Variants in ARID4A observed in about 807,000 individuals in gnomAD.
The protein encoded by ARID4A is AT-rich interactive domain-containing protein 4A.
In ARID4A, 39 loss-of-function variants were observed where a neutral mutation model predicts 148.6. The observed-to-expected ratio is 0.26, with a 90% CI of 0.20 to 0.34. The LOEUF is 0.34. ARID4A is among the 10% of genes least tolerant of loss of function. The pLI is 1.00. For synonymous variants in ARID4A, 475 were observed against 481.2 expected (o/e 0.99, Z 0.17); for missense variants, 1,265 against 1,449.1 (o/e 0.87, Z 2.06).
intron 17 of ARID4A, among the ~76,000 whole-genome samples, chr14:58,356,031 G>A (rs189365156): frequency 6.6e-6 from 1 of 152,126 alleles, no homozygotes; most frequent in South Asian, 2.1e-4. Flanking sequence ...ATTCTGGCCT[G>A]TTCAGTTGAG....
chr14:58,347,742 A>G lies in ARID4A; in HGVS notation c.1268A>G (p.Asp423Gly). 6.2e-7 allele frequency: 1 copy of G among 1,613,832 alleles called. No homozygotes were observed. The highest frequency in any genetic ancestry group is 8.5e-7 in the Non-Finnish European group (1 of 1,179,772). Residue 423 changes from aspartate to glycine, a missense_variant, in exon 15 of 24, where the codon GAC (aspartate) becomes GGC (glycine). By Grantham distance (94) the Asp-to-Gly change is moderately conservative. Coordinates refer to ENST00000355431, the MANE Select transcript of ARID4A (RefSeq NM_002892.4). ...HEPKVKEEKKDLEESMEEALK... is the reference protein window; with the variant it reads ...HEPKVKEEKKGLEESMEEALK... ...CCAAAAGTAAAAGAGGAAAAAAAAGACTTAGAAGAATCAATGGAAGAGGCT... is the reference window on the plus strand; with the variant it reads ...CCAAAAGTAAAAGAGGAAAAAAAAGGCTTAGAAGAATCAATGGAAGAGGCT...
intron 5 of ARID4A, among the ~76,000 whole-genome samples, chr14:58,312,058 T>C (rs182631765): frequency 7.6e-4 from 116 of 152,186 alleles, no homozygotes; most frequent in African/African-American, 2.6e-3. Flanking sequence ...ATTGCATACT[T>C]GAAAATTGCT....
At chr14:58,342,798 A>G (rs1359322598) in intron 11 of ARID4A, among the ~76,000 whole-genome samples, 2 of 152,178 alleles carry the variant, frequency 1.3e-5, no homozygotes, top group Admixed American at 6.5e-5. Flanking sequence ...CTGTAATCCC[A>G]GCTACTCAGG....
intron 23 of ARID4A, among the ~76,000 whole-genome samples, chr14:58,369,028 TATG>T (rs1396571115): frequency 1.3e-5 from 2 of 152,038 alleles, no homozygotes; most frequent in African/African-American, 4.8e-5. Flanking sequence ...ATCTTTAAAA[TATG>T]ATAGCAGGAA....
At chr14:58,300,367 A>ATACACT (rs1555356033) in intron 2 of ARID4A, among the ~76,000 whole-genome samples, 4 of 151,284 alleles carry the variant, frequency 2.6e-5, no homozygotes, top group Admixed American at 6.6e-5. Context: ...ATTTTAAAAC[A>ATACACT]TATACTAAAA....
At chr14:58,368,879 C>T (rs1261712663) in intron 23 of ARID4A, among the ~76,000 whole-genome samples, 3 of 152,052 alleles carry the variant, frequency 2.0e-5, no homozygotes, top group Non-Finnish European at 4.4e-5. Context: ...TGTGGCACCA[C>T]GTTGGTGCTC....
chr14:58,302,018 A>G (rs762991451), intron 3 of ARID4A, among the ~76,000 whole-genome samples: 5 of 152,236 alleles, frequency 3.3e-5, no homozygotes, highest in Non-Finnish European at 5.9e-5. Flanking sequence ...CAATACAAAT[A>G]CAACAGGAAT....
Position 58,366,876 on chromosome 14 carries a change from C to G in ARID4A, c.3524-7C>G. 1 of 1,490,486 alleles carries G rather than the reference C, an allele frequency of 6.7e-7. No individual in the cohort carries two copies. Among genetic ancestry groups the G allele is most frequent in the Non-Finnish European group, 8.9e-7 (1 of 1,127,972 alleles). The allele number at this position is 1,490,486 out of a possible 1,614,324, so 92.3% of individuals were successfully genotyped here. A position where few individuals can be genotyped will look rare whatever the true frequency, so the allele number is the denominator to read the frequency against. Reference sequence around the variant, plus strand: ...AAATCCAAATTAACTTCTTTCCCCCCTTTTAGATGAATTAGATAATATGAA... The same window carrying G: ...AAATCCAAATTAACTTCTTTCCCCCGTTTTAGATGAATTAGATAATATGAA... On this transcript the variant is annotated splice_polypyrimidine_tract_variant and splice_region_variant and intron_variant, in intron 22 of 23. Coordinates refer to ENST00000355431, the MANE Select transcript of ARID4A (RefSeq NM_002892.4).
chr14:58,319,383 G>T lies in ARID4A; in HGVS notation c.449+578G>T, dbSNP rs533545420. Among the ~76,000 whole-genome samples, 8 of 151,942 alleles carry T rather than the reference G, an allele frequency of 5.3e-5. No individual in the cohort carries two copies. The East Asian group carries it at 1.5e-3, about 29-fold the overall frequency. ...CACCCAGCCTGAGCCACTGCGCCAG[G>T]CCCAAAGTTTTTAATTGATATGATG... On this transcript the variant is annotated intron_variant, in intron 7 of 23. Transcript: ENST00000355431.
chr14:58,325,052 G>A (rs117390572), intron 8 of ARID4A, among the ~76,000 whole-genome samples: 5,094 of 152,196 alleles, frequency 0.033, 136 homozygotes, highest in Non-Finnish European at 0.051. Flanking sequence ...GTTTTGGATG[G>A]GTTGGTAGAG....
At chr14:58,356,480 CA>C (rs1279483337) in intron 17 of ARID4A, among the ~76,000 whole-genome samples, 1 of 152,064 alleles carries the variant, frequency 6.6e-6, no homozygotes, top group Non-Finnish European at 1.5e-5. Flanking sequence ...TAAACATTTC[CA>C]TATAAGTTAA....
chr14:58,299,216 C>T (rs2140121996), intron 1 of ARID4A: 1 of 153,008 alleles, frequency 6.5e-6, no homozygotes, highest in Middle Eastern at 3.3e-3. Flanking sequence ...CCCTCCCCCA[C>T]GCGGGTCCCC....
intron 8 of ARID4A, 97 bp downstream of exon 8, chr14:58,323,714 C>T (rs1303159212): frequency 9.0e-7 from 1 of 1,107,056 alleles, no homozygotes; most frequent in East Asian, 2.5e-5. Flanking sequence ...AAGTATTAAA[C>T]AAATTTGGAC....
At chr14:58,337,589 C>CCCTTTATAATATCTCTTT (rs2033899591) in intron 11 of ARID4A, among the ~76,000 whole-genome samples, 1 of 152,050 alleles carries the variant, frequency 6.6e-6, no homozygotes, top group Non-Finnish European at 1.5e-5. Flanking sequence ...TATCTAACTT[C>CCCTTTATAATATCTCTTT]CCTTTATAAT....
intron 12 of ARID4A, among the ~76,000 whole-genome samples, chr14:58,346,079 A>G (rs1431492089): frequency 1.3e-5 from 2 of 151,734 alleles, no homozygotes; most frequent in Non-Finnish European, 2.9e-5. Flanking sequence ...TGGCCACACC[A>G]TGCAGTGTTT....
In ARID4A at chr14:58,337,246, T is replaced by TATATA. The variant is rs1555361738; in HGVS notation, c.906+7077_906+7078insATATA. ...AAATCTCCTAGAACCTTCTCTTTAT[T>TATATA]TATATATATATATATATATATAATT... On this transcript the variant is annotated intron_variant, in intron 11 of 23. Coordinates refer to ENST00000355431, the MANE Select transcript of ARID4A (RefSeq NM_002892.4). Among the ~76,000 whole-genome samples the TATATA allele has an allele frequency of 1.2e-3, 102 of 83,796 alleles. 1 individual carries two copies. Among genetic ancestry groups the TATATA allele is most frequent in the Admixed American group, 9.6e-3 (67 of 7,012 alleles). The allele number at this position is 83,796 out of a possible 152,430, so 55.0% of individuals were successfully genotyped here. A position where few individuals can be genotyped will look rare whatever the true frequency, so the allele number is the denominator to read the frequency against.
chr14:58,334,525 A>C (rs2033697875), intron 11 of ARID4A, among the ~76,000 whole-genome samples: 2 of 152,234 alleles, frequency 1.3e-5, no homozygotes, highest in South Asian at 4.1e-4. Context: ...CTGGGCCTTC[A>C]GCACTATTGG....
rs1054519342 is a variant in ARID4A at position 58,347,917 on chromosome 14, AT to A, written c.1404+42del. 2.8e-6 allele frequency: 4 copies of A among 1,431,926 alleles called. No individual in the cohort carries two copies. In the African/African-American group the frequency reaches 5.8e-5, roughly 21 times the overall value. The allele number at this position is 1,431,926 out of a possible 1,614,324, so 88.7% of individuals were successfully genotyped here. On this transcript the variant is annotated intron_variant, in intron 15 of 23. Transcript: ENST00000355431. ...ACTAGTTTTATCTGGTTTAAGTATT[AT>A]TTAAAATTTTTTATTATAGCCATTT...
chr14:58,312,157 C>T (rs1295663145), intron 5 of ARID4A, among the ~76,000 whole-genome samples: 1 of 151,852 alleles, frequency 6.6e-6, no homozygotes, highest in African/African-American at 2.4e-5. Context: ...TTAGCCATTC[C>T]ACAATGTATA....
Sources: gnomAD v4.1 joint callset for allele counts (sites outside exome capture counted in the v4.1 genomes callset) on GRCh38, gnomAD v4.1.1 for gene constraint, MANE v1.5 for transcripts, NCBI Gene and HGNC (gene_info 2026-07-23, HGNC 2026-07-21) for gene names.